The following RASGRP3 variants were observed in gnomAD, a reference collection of about 807,000 sequenced individuals.
RASGRP3 encodes the protein RAS guanyl releasing protein 3.
A neutral mutation model predicts 82.7 loss-of-function variants in RASGRP3; 54 were observed. That is an observed-to-expected ratio of 0.65 (90% CI 0.52 to 0.82). The LOEUF (loss-of-function observed/expected upper bound fraction) is 0.82, where lower values mean the gene tolerates loss of function less well. Among genes scored for constraint, RASGRP3 ranks in the 40% least tolerant of loss-of-function variants. RASGRP3 has a pLI of 0.00. For missense variants in RASGRP3, 861 were observed against 828.9 expected, an observed-to-expected ratio of 1.04 and a Z score of -0.48; for synonymous variants, 309 against 300.5, an observed-to-expected ratio of 1.03 and a Z score of -0.29.
At position 33,534,317 on chromosome 2, in the gene RASGRP3, T is replaced by A; in HGVS notation, c.1084-6T>A. On this transcript the variant is annotated splice_polypyrimidine_tract_variant and splice_region_variant and intron_variant, in intron 10 of 17. Coordinates refer to ENST00000403687, the MANE Select transcript of RASGRP3 (RefSeq NM_001139488.2). Reference sequence around the variant, plus strand: ...GACATTTTTATCCCTTCTAATTTTGTTGTAGCTTTCCCTGGACCTCTATCA... The same window carrying A: ...GACATTTTTATCCCTTCTAATTTTGATGTAGCTTTCCCTGGACCTCTATCA... The A allele has an allele frequency of 1.3e-6, 2 of 1,544,532 alleles. No homozygotes were observed. Among genetic ancestry groups the A allele is most frequent in the Non-Finnish European group, 1.8e-6 (2 of 1,119,010 alleles).
chr2:33,508,236 A>T (rs1670585963), intron 1 of RASGRP3, among the ~76,000 whole-genome samples: 1 of 152,108 alleles, frequency 6.6e-6, no homozygotes, highest in African/African-American at 2.4e-5. Context: ...TCCAAGGAGA[A>T]ATTTTGTTTT....
chr2:33,545,523 C>T (rs1229889657), intron 13 of RASGRP3, among the ~76,000 whole-genome samples: 5 of 152,168 alleles, frequency 3.3e-5, no homozygotes, highest in Non-Finnish European at 5.9e-5. Context: ...CACTGTTACA[C>T]AAATTTATGT....
intron 11 of RASGRP3, among the ~76,000 whole-genome samples, chr2:33,536,420 C>A: frequency 6.6e-6 from 1 of 151,816 alleles, no homozygotes; most frequent in Admixed American, 6.6e-5. Context: ...AGTTGGAGAG[C>A]TGGGATTCAG....
intron 1 of RASGRP3, among the ~76,000 whole-genome samples, chr2:33,488,877 T>A (rs760691123): frequency 2.0e-5 from 3 of 152,220 alleles, no homozygotes; most frequent in Admixed American, 6.5e-5. Context: ...ACTGAAAAAC[T>A]CAGTCAAATA....
intron 1 of RASGRP3, among the ~76,000 whole-genome samples, chr2:33,480,042 A>ATTTTTTT (rs397868583): frequency 7.6e-6 from 1 of 131,896 alleles, no homozygotes; most frequent in South Asian, 2.5e-4. Context: ...TGAAAGAGGA[A>ATTTTTTT]TTTTTTTTTT....
At chr2:33,523,145 C>T (rs1301819091) in intron 7 of RASGRP3, among the ~76,000 whole-genome samples, 1 of 152,028 alleles carries the variant, frequency 6.6e-6, no homozygotes, top group African/African-American at 2.4e-5. Flanking sequence ...ATATCTTTAA[C>T]TTGCCTGATT....
At chr2:33,522,387 T>C (rs1183727763) in intron 7 of RASGRP3, among the ~76,000 whole-genome samples, 3 of 152,216 alleles carry the variant, frequency 2.0e-5, no homozygotes, top group Non-Finnish European at 4.4e-5. Context: ...CCATTCAAGG[T>C]TGATTTAGCT....
At chr2:33,483,863 T>G (rs1345584940) in intron 1 of RASGRP3, among the ~76,000 whole-genome samples, 1 of 152,174 alleles carries the variant, frequency 6.6e-6, no homozygotes. Flanking sequence ...ATGTATGCAG[T>G]TTTAATTGCT....
At chr2:33,475,394 T>C (rs1292306672), upstream of RASGRP3, among the ~76,000 whole-genome samples, 2 of 152,184 alleles carry the variant, frequency 1.3e-5, no homozygotes, top group African/African-American at 4.8e-5. Context: ...CTGTAAATAA[T>C]TATGAGACAA....
At chr2:33,558,521 A>G in intron 16 of RASGRP3, 151 bp from the exon 17 acceptor site, 1 of 1,115,420 alleles carries the variant, frequency 9.0e-7, no homozygotes, top group Non-Finnish European at 1.2e-6. Flanking sequence ...TAGTCTCAGG[A>G]ATATGTAACT....
chr2:33,453,389 G>A (rs1665895528), intron 2 of RASGRP3, among the ~76,000 whole-genome samples: 1 of 152,174 alleles, frequency 6.6e-6, no homozygotes. Flanking sequence ...GTTTCTGTAA[G>A]GGGATATGTG....
intron 17 of RASGRP3, chr2:33,559,743 T>C: frequency 2.2e-6 from 1 of 445,280 alleles, no homozygotes; most frequent in South Asian, 1.6e-5. Context: ...GGACAGCCAT[T>C]GCCACCCTGT....
At chr2:33,532,505 C>T (rs1673192824) in intron 10 of RASGRP3, 1 of 152,140 alleles carries the variant, frequency 6.6e-6, no homozygotes, top group Non-Finnish European at 1.5e-5. Flanking sequence ...TCAAAATGTA[C>T]CTTTTACGCA....
intron 13 of RASGRP3, among the ~76,000 whole-genome samples, chr2:33,546,120 A>G (rs1279046047): frequency 2.0e-5 from 3 of 151,548 alleles, no homozygotes; most frequent in Non-Finnish European, 4.4e-5. Flanking sequence ...AAGAATGGCT[A>G]TTACTAGAAA....
At position 33,446,639 on chromosome 2, in the gene RASGRP3, G is replaced by C. The variant is rs150155991; in HGVS notation, c.-384-1181G>C. Among the ~76,000 whole-genome samples, 20 of 152,266 alleles carry C rather than the reference G, an allele frequency of 1.3e-4. No individual in the cohort carries two copies. In the East Asian group the frequency reaches 3.9e-3, roughly 29 times the overall value. ...GCATGATTGTCCAGTTCTCCTTGGA[G>C]AAAGGGTGAGGAAGACTAGAGACTG... On this transcript the variant is annotated intron_variant, in intron 1 of 18. Transcript: ENST00000402538.
At chr2:33,551,990 C>T (rs1420635528) in intron 14 of RASGRP3, among the ~76,000 whole-genome samples, 1 of 147,026 alleles carries the variant, frequency 6.8e-6, no homozygotes, top group Non-Finnish European at 1.5e-5. Context: ...AAGACTCCAT[C>T]TCAAAAACAA....
intron 17 of RASGRP3, among the ~76,000 whole-genome samples, chr2:33,560,436 C>A (rs182971946): frequency 3.3e-5 from 5 of 152,320 alleles, no homozygotes; most frequent in African/African-American, 7.2e-5. Context: ...CAGCTCTTAA[C>A]CCGAGGTCTA....
intron 11 of RASGRP3, among the ~76,000 whole-genome samples, chr2:33,537,322 CG>C (rs1181430622): frequency 0.032 from 689 of 21,636 alleles, 38 homozygotes; most frequent in African/African-American, 0.1. Context: ...ACACACACAC[CG>C]CCCCCCCCAC....
At chr2:33,507,305 G>C (rs1361821901) in intron 1 of RASGRP3, among the ~76,000 whole-genome samples, 2 of 152,172 alleles carry the variant, frequency 1.3e-5, no homozygotes, top group Admixed American at 1.3e-4. Flanking sequence ...TGAGGTAGGA[G>C]AATTGCTTGA....
Sources: allele counts gnomAD v4.1 joint callset (sites outside exome capture counted in the v4.1 genomes callset), GRCh38; gene constraint gnomAD v4.1.1; transcripts MANE v1.5; gene names NCBI Gene and HGNC (gene_info 2026-07-23, HGNC 2026-07-21).